Variants in BLZF1 observed in about 807,000 individuals in gnomAD.
BLZF1 encodes golgin-45.
A neutral mutation model predicts 43.8 loss-of-function variants in BLZF1; 39 were observed. That is an observed-to-expected ratio of 0.89 (90% confidence interval 0.69 to 1.16). The LOEUF is 1.16. Ranked by LOEUF, BLZF1 falls within the 50% of genes most tolerant of loss-of-function variation. BLZF1 has a pLI of 0.00. For missense variants in BLZF1, 449 were observed against 469.8 expected (o/e 0.96, Z 0.41); for synonymous variants, 136 against 159.4 (o/e 0.85, Z 1.11).
chr1:169,383,077 T>C (rs1654573045), intron 6 of BLZF1, among the ~76,000 whole-genome samples: 2 of 152,180 alleles, frequency 1.3e-5, no homozygotes, highest in South Asian at 4.2e-4. Context: ...CTTATCTTCC[T>C]CTCCGAGTAT....
chr1:169,393,631 TCA>T lies in BLZF1; in HGVS notation c.*28-2261_*28-2260del, dbSNP rs1204744934. On this transcript the variant is annotated intron_variant, in intron 7 of 7. Coordinates refer to the BLZF1 transcript ENST00000329281. The stretch of plus-strand genomic sequence containing the variant: ...TGTCTCTTTTTTTTGAGATACGGTC[TCA>T]CTCTGTCACCCAGGCTGGAGTGCAG... 3.4e-5 allele frequency among the ~76,000 whole-genome samples: 5 copies of T among 148,638 alleles called. No individual in the cohort carries two copies. The East Asian group carries it at 1.0e-3, about 31-fold the overall frequency.
chr1:169,370,187 C>T (rs1032662662), intron 2 of BLZF1, among the ~76,000 whole-genome samples: 4 of 152,180 alleles, frequency 2.6e-5, no homozygotes, highest in African/African-American at 9.7e-5. Context: ...TAAATTTACC[C>T]TTTTTATAAA....
At position 169,368,245 on chromosome 1, in the gene BLZF1, C is replaced by G. The variant is rs576825400; in HGVS notation, c.-148C>G. 1 of 166,040 alleles carries G rather than the reference C, an allele frequency of 6.0e-6. No homozygotes were observed. Among genetic ancestry groups the G allele is most frequent in the East Asian group, 1.6e-4 (1 of 6,176 alleles). 10.3% of individuals were successfully genotyped at this position (166,040 alleles called of 1,614,324 possible). Reference sequence around the variant, plus strand: ...CGGAGGGACTGGGCGGGTCGGCTTCCGAATGGAAGAGGTCTGTGAGAAGTT... The same window carrying G: ...CGGAGGGACTGGGCGGGTCGGCTTCGGAATGGAAGAGGTCTGTGAGAAGTT... On this transcript the variant is annotated 5_prime_UTR_variant, in exon 1 of 7. Coordinates refer to ENST00000367808, the MANE Select transcript of BLZF1 (RefSeq NM_001320973.2).
intron 6 of BLZF1, among the ~76,000 whole-genome samples, chr1:169,384,379 T>TCCC (rs1272274183): frequency 6.6e-6 from 1 of 152,136 alleles, no homozygotes; most frequent in Non-Finnish European, 1.5e-5. Flanking sequence ...CTCACTGATA[T>TCCC]CCCTGCCCTC....
chr1:169,384,155 T>C lies in BLZF1; in HGVS notation c.1017+1874T>C, dbSNP rs757910186. 7.7e-4 allele frequency among the ~76,000 whole-genome samples: 118 copies of C among 152,300 alleles called. 1 individual carries two copies. The highest frequency in any genetic ancestry group is 6.6e-4 in the Non-Finnish European group (45 of 68,012). ...ATCTTGATGAATTATACCTACTCTA[T>C]AGTGCTGTTTTCAGATTTCGATAAA... On this transcript the variant is annotated intron_variant, in intron 6 of 6. Coordinates refer to ENST00000367808, the MANE Select transcript of BLZF1 (RefSeq NM_001320973.2).
At chr1:169,388,642 A>C (rs1654738804), downstream of BLZF1, among the ~76,000 whole-genome samples, 1 of 152,222 alleles carries the variant, frequency 6.6e-6, no homozygotes, top group Non-Finnish European at 1.5e-5. Context: ...AGTGTCCAGA[A>C]TATATAAAGC....
Position 169,380,745 on chromosome 1 carries a change from G to A in BLZF1, c.797+136G>A, listed in dbSNP as rs1227318838. On this transcript the variant is annotated intron_variant, in intron 5 of 6. Transcript: ENST00000367808. The stretch of plus-strand genomic sequence containing the variant: ...ATAACTTACTGAGCATATACTTTTA[G>A]TAGCATTTTAAAATAGATGCTCTGG... 3.2e-6 allele frequency: 3 copies of A among 947,110 alleles called. No individual in the cohort carries two copies. The African/African-American group carries it at 5.0e-5, about 16-fold the overall frequency. 58.7% of individuals were successfully genotyped at this position (947,110 alleles called of 1,614,324 possible).
chr1:169,382,252 A>G lies in BLZF1; in HGVS notation c.988A>G (p.Ser330Gly), dbSNP rs1251844324. Residue 330 changes from serine to glycine, a missense_variant, in exon 6 of 7, where the codon AGC (serine) becomes GGC (glycine). Ser to Gly is a moderately conservative substitution (Grantham distance 56). Coordinates refer to ENST00000367808, the MANE Select transcript of BLZF1 (RefSeq NM_001320973.2). ...KKIPSTVEFC[S>G]TPAEKMAETV... ...GATTCCATCAACAGTTGAATTCTGC[A>G]GCACCCCAGCTGAGAAAATGGCTGA... is the stretch of plus-strand genomic sequence containing the variant. The G allele has an allele frequency of 6.2e-7, 1 of 1,613,748 alleles. No homozygotes were observed. The highest frequency in any genetic ancestry group is 1.7e-5 in the Admixed American group (1 of 60,012).
At chr1:169,380,653 C>T (rs1317414149) in intron 5 of BLZF1, 44 bp downstream of exon 5, 1 of 1,596,418 alleles carries the variant, frequency 6.3e-7, no homozygotes, top group Non-Finnish European at 8.6e-7. Flanking sequence ...CTTTCTCCTG[C>T]AAATTAAGTT....
chr1:169,394,923 T>C (rs1170103683), intron 7 of BLZF1: 1 of 882,206 alleles, frequency 1.1e-6, no homozygotes, highest in Non-Finnish European at 1.6e-6. Flanking sequence ...AAAAACAAAT[T>C]CACTGTCAAT....
rs1654383114 is a variant in BLZF1, at chr1:169,377,092, T to C, written c.468+113T>C. ...TGGGAATGTCATTCATCCTAGCTTG[T>C]CAGTTCTCTAAAATGCTTCCTCTTA... On this transcript the variant is annotated intron_variant, in intron 3 of 6. Transcript: ENST00000367808. The C allele has an allele frequency of 6.8e-6, 6 of 883,908 alleles. No individual in the cohort carries two copies. In the East Asian group the frequency reaches 1.6e-4, roughly 23 times the overall value. 54.8% of individuals were successfully genotyped at this position (883,908 alleles called of 1,614,324 possible).
intron 2 of BLZF1, among the ~76,000 whole-genome samples, chr1:169,370,039 C>T (rs1283287242): frequency 2.0e-5 from 3 of 152,204 alleles, no homozygotes; most frequent in African/African-American, 4.8e-5. Flanking sequence ...TGTGCTCCTT[C>T]GGAAGGCATT....
intron 1 of BLZF1, 125 bp from the exon 2 acceptor site, chr1:169,369,348 T>C (rs1233190133): frequency 2.0e-6 from 1 of 499,294 alleles, no homozygotes; most frequent in Non-Finnish European, 3.6e-6. Context: ...ATAAGGGACA[T>C]TTCTCTTTCT....
chr1:169,384,318 C>T (rs2102018796), intron 6 of BLZF1, among the ~76,000 whole-genome samples: 1 of 152,010 alleles, frequency 6.6e-6, no homozygotes, highest in Non-Finnish European at 1.5e-5. Flanking sequence ...TAATTTATCC[C>T]CTCCCAAGTT....
At chr1:169,392,803 C>G (rs181306872), downstream of BLZF1, among the ~76,000 whole-genome samples, 2 of 152,204 alleles carry the variant, frequency 1.3e-5, no homozygotes, top group African/African-American at 4.8e-5. Context: ...TAATGAAGCC[C>G]CTCCATAAAA....
chr1:169,392,764 A>C (rs1011300918), downstream of BLZF1, among the ~76,000 whole-genome samples: 2 of 152,208 alleles, frequency 1.3e-5, no homozygotes, highest in African/African-American at 4.8e-5. Context: ...GATTACCAGT[A>C]GCCAATGATT....
intron 2 of BLZF1, among the ~76,000 whole-genome samples, 165 bp from the exon 3 acceptor site, chr1:169,376,375 T>C (rs997869417): frequency 2.0e-5 from 3 of 152,116 alleles, no homozygotes; most frequent in African/African-American, 7.2e-5. Context: ...TTTAAACATG[T>C]ATCTTTTGTT....
At chr1:169,368,527 G>C (rs930985069) in intron 1 of BLZF1, among the ~76,000 whole-genome samples, 185 bp downstream of exon 1, 1 of 152,120 alleles carries the variant, frequency 6.6e-6, no homozygotes, top group Non-Finnish European at 1.5e-5. Flanking sequence ...TCGCTTCCCG[G>C]CCTATCGCTT....
chr1:169,377,495 A>T (rs1265783747), intron 3 of BLZF1: 1 of 152,468 alleles, frequency 6.6e-6, no homozygotes, highest in African/African-American at 2.4e-5. Context: ...TCTCTATTAG[A>T]CCATGCATCT....
Sources: gnomAD v4.1 joint callset for allele counts (sites outside exome capture counted in the v4.1 genomes callset) on GRCh38, gnomAD v4.1.1 for gene constraint, MANE v1.5 for transcripts, NCBI Gene and HGNC (gene_info 2026-07-23, HGNC 2026-07-21) for gene names.